Variants in SLC12A7 observed in about 807,000 individuals in gnomAD.
SLC12A7 encodes solute carrier family 12 member 7.
A neutral mutation model predicts 120.6 loss-of-function variants in SLC12A7; 100 were observed. That is an observed-to-expected ratio of 0.83 (90% CI 0.71 to 0.98). SLC12A7 has a LOEUF of 0.98. SLC12A7 is among the 50% of genes least tolerant of loss of function. The probability of loss-of-function intolerance (pLI) is 0.00; values close to 1 mark genes in which losing one functional copy is unlikely to be tolerated. For missense variants in SLC12A7, 1,373 were observed against 1,548.1 expected (o/e 0.89, Z 1.90); for synonymous variants, 760 against 678.0 (o/e 1.12, Z -1.88).
At chr5:1,109,461 A>G (rs1023255515) in intron 1 of SLC12A7, among the ~76,000 whole-genome samples, 12 of 152,182 alleles carry the variant, frequency 7.9e-5, no homozygotes, top group Admixed American at 2.6e-4. Context: ...GGTATTTCAC[A>G]TAAGAATAAA....
chr5:1,099,835 G>C (rs1221759894), intron 1 of SLC12A7, among the ~76,000 whole-genome samples: 3 of 152,184 alleles, frequency 2.0e-5, no homozygotes, highest in African/African-American at 7.2e-5. Context: ...CCAGCGATAG[G>C]AACGGCCCCT....
Position 1,063,937 on chromosome 5 carries a change from G to C in SLC12A7, c.2646C>G (p.Ala882=), listed in dbSNP as rs1712901027. ...TCTGGATGCTGTTGTCGTCCACCTG[G>C]GCCACGGTGAAGATACGCATCCGGC... is the stretch of plus-strand genomic sequence containing the variant. ...RKCRMRIFTV[A]QVDDNSIQMK... Residue 882 remains alanine, a synonymous_variant, in exon 20 of 24, where the codon GCC becomes GCG. Transcript: ENST00000264930. 1.2e-6 allele frequency: 2 copies of C among 1,612,564 alleles called. No homozygotes were observed. Among genetic ancestry groups the C allele is most frequent in the African/African-American group, 1.3e-5 (1 of 74,892 alleles).
chr5:1,065,234 C>T (rs1736909644), intron 18 of SLC12A7, 49 bp downstream of exon 18: 1 of 1,386,064 alleles, frequency 7.2e-7, no homozygotes, highest in Admixed American at 2.0e-5. Flanking sequence ...ACTGAGAGGA[C>T]ACAGAGGGGA....
intron 22 of SLC12A7, chr5:1,056,531 T>C (rs1735629246): frequency 2.1e-6 from 2 of 957,556 alleles, no homozygotes; most frequent in Non-Finnish European, 1.2e-6. Flanking sequence ...CACACAGGCA[T>C]GCAGGGCAAC....
chr5:1,146,492 TC>T, the SLC12A7 span, among the ~76,000 whole-genome samples: 11 of 152,074 alleles, frequency 7.2e-5, no homozygotes, highest in African/African-American at 2.4e-4. This position sits in a 1 kb window ranked among gnomAD's most constrained non-coding sequence, Gnocchi z 6.5. Flanking sequence ...CTAAGGCTCC[TC>T]CCCGACCGTC....
the SLC12A7 span, among the ~76,000 whole-genome samples, chr5:1,130,090 A>T: frequency 3.7e-3 from 556 of 152,260 alleles, 3 homozygotes; most frequent in African/African-American, 0.013. Context: ...GGTTCAGAAA[A>T]ATCTGCGGAA....
chr5:1,073,908 G>T, intron 16 of SLC12A7, 107 bp from the exon 17 acceptor site: 1 of 1,114,808 alleles, frequency 9.0e-7, no homozygotes. Flanking sequence ...CAGGTGGGAC[G>T]GGAGATACAT....
chr5:1,141,196 C>T, the SLC12A7 span, among the ~76,000 whole-genome samples: 6 of 152,178 alleles, frequency 3.9e-5, no homozygotes, highest in African/African-American at 7.2e-5. Flanking sequence ...GTCTCTGTAT[C>T]GTCCCTGCTC....
In SLC12A7 at chr5:1,052,177, G is replaced by GCTT; in HGVS notation, c.*182_*183insAAG. On this transcript the variant is annotated 3_prime_UTR_variant, in exon 24 of 24. Coordinates refer to ENST00000264930, the MANE Select transcript of SLC12A7 (RefSeq NM_006598.3). ...CGCCCTGATTTGCTGAGCCTGTTAA[G>GCTT]GCTGAACAGGAGAGCCCTAGGTGAC... 1 of 608,026 alleles carries GCTT rather than the reference G, an allele frequency of 1.6e-6. No homozygotes were observed. Among genetic ancestry groups the GCTT allele is most frequent in the Non-Finnish European group, 2.9e-6 (1 of 339,328 alleles). The allele number at this position is 608,026 out of a possible 1,614,324, so 37.7% of individuals were successfully genotyped here.
At chr5:1,078,235 AG>A (rs1478100834) in intron 11 of SLC12A7, among the ~76,000 whole-genome samples, 1 of 152,126 alleles carries the variant, frequency 6.6e-6, no homozygotes, top group Admixed American at 6.5e-5. Flanking sequence ...TGCTCACCTC[AG>A]GGTCGCTCTT....
At chr5:1,069,953 T>G (rs1435127327) in intron 17 of SLC12A7, among the ~76,000 whole-genome samples, 2 of 151,614 alleles carry the variant, frequency 1.3e-5, no homozygotes, top group Non-Finnish European at 1.5e-5. Flanking sequence ...AAGCTCTGAG[T>G]GGGCAGAAAT....
chr5:1,094,302 C>T, intron 1 of SLC12A7, 54 bp from the exon 2 acceptor site: 2 of 1,333,464 alleles, frequency 1.5e-6, no homozygotes, highest in Non-Finnish European at 2.2e-6. Context: ...AAAGCAAGCA[C>T]AGAAGGCCAA....
chr5:1,052,345 T>A lies in SLC12A7; in HGVS notation c.*15A>T, dbSNP rs748323947. 6.2e-7 allele frequency: 1 copy of A among 1,608,694 alleles called. No homozygotes were observed. The highest frequency in any genetic ancestry group is 2.2e-5 in the East Asian group (1 of 44,844). On this transcript the variant is annotated 3_prime_UTR_variant, in exon 24 of 24. Coordinates refer to ENST00000264930, the MANE Select transcript of SLC12A7 (RefSeq NM_006598.3). Reference sequence around the variant, plus strand: ...CCTCCGTGCCTGTCCCAGAGTGCCGTGATGCTGTTGGGCATTAGGAGTAGA... The same window carrying A: ...CCTCCGTGCCTGTCCCAGAGTGCCGAGATGCTGTTGGGCATTAGGAGTAGA...
intron 17 of SLC12A7, among the ~76,000 whole-genome samples, chr5:1,073,401 G>T (rs974166005): frequency 5.3e-5 from 8 of 152,204 alleles, no homozygotes; most frequent in East Asian, 1.9e-4. Context: ...CGGTCCCAGG[G>T]TTCGCCCTTG....
chr5:1,111,560 G>A (rs995565369), intron 1 of SLC12A7, among the ~76,000 whole-genome samples: 2 of 152,132 alleles, frequency 1.3e-5, no homozygotes, highest in African/African-American at 4.8e-5. Context: ...AGGGGCCCGG[G>A]CTCCCTCCGG....
At chr5:1,101,928 G>C (rs1742062097) in intron 1 of SLC12A7, among the ~76,000 whole-genome samples, 1 of 152,182 alleles carries the variant, frequency 6.6e-6, no homozygotes, top group African/African-American at 2.4e-5. Flanking sequence ...CCTACCAAGA[G>C]CCTCCCACCA....
intron 21 of SLC12A7, among the ~76,000 whole-genome samples, chr5:1,060,099 G>T (rs2150785864): frequency 6.6e-6 from 1 of 152,336 alleles, no homozygotes; most frequent in South Asian, 2.1e-4. Flanking sequence ...CTGGCAGGCT[G>T]CCGTTCCTCT....
At chr5:1,072,488 C>T (rs1279265150) in intron 17 of SLC12A7, among the ~76,000 whole-genome samples, 2 of 20,998 alleles carry the variant, frequency 9.5e-5, no homozygotes, top group African/African-American at 3.7e-4. Flanking sequence ...AGCACACGGG[C>T]ATCACACTTA....
At chr5:1,094,319 A>G in intron 1 of SLC12A7, 71 bp from the exon 2 acceptor site, 1 of 1,124,742 alleles carries the variant, frequency 8.9e-7, no homozygotes, top group Non-Finnish European at 1.4e-6. Flanking sequence ...CCAACTACAG[A>G]TCTTGCACGG....
Sources: allele counts gnomAD v4.1 joint callset (sites outside exome capture counted in the v4.1 genomes callset), GRCh38; gene constraint gnomAD v4.1.1; non-coding constraint Gnocchi (gnomAD v3.1); transcripts MANE v1.5; gene names NCBI Gene and HGNC (gene_info 2026-07-23, HGNC 2026-07-21).